The following SLC39A9 variants were observed in gnomAD, a reference collection of about 807,000 sequenced individuals.
The protein encoded by SLC39A9 is solute carrier family 39 member 9.
In SLC39A9, 14 loss-of-function variants were observed where a neutral mutation model predicts 28.4. The ratio of observed to expected loss-of-function variants is 0.49; its 90% CI spans 0.33 to 0.77. The LOEUF is 0.77. SLC39A9 is among the 30% of genes least tolerant of loss of function. The pLI, the probability that SLC39A9 is intolerant of heterozygous loss-of-function variation, is 0.02. For synonymous variants in SLC39A9, 119 were observed against 149.6 expected (o/e 0.80, Z 1.49); for missense variants, 283 against 381.1 (o/e 0.74, Z 2.14).
chr14:69,424,121 G>A lies in SLC39A9; in HGVS notation c.124G>A (p.Gly42Ser). The change falls in exon 2 of 7, where the codon GGT becomes AGT. Residue 42 changes from glycine to serine, a missense_variant. Gly to Ser is a moderately conservative substitution (Grantham distance 56). Coordinates refer to ENST00000336643, the MANE Select transcript of SLC39A9 (RefSeq NM_018375.5). ...EERLKLVTVL[G>S]AGLLCGTALA... is the part of the protein sequence containing the mutation. ...ACGACTGAAGCTGGTGACTGTTTTG[G>A]GTGCTGGCCTTCTCTGTGGAACTGC... The A allele has an allele frequency of 6.2e-7, 1 of 1,613,798 alleles. No homozygotes were observed. The highest frequency in any genetic ancestry group is 8.5e-7 in the Non-Finnish European group (1 of 1,179,820).
intron 1 of SLC39A9, among the ~76,000 whole-genome samples, chr14:69,421,982 C>T (rs1237693760): frequency 6.6e-6 from 1 of 152,188 alleles, no homozygotes; most frequent in African/African-American, 2.4e-5. Flanking sequence ...TCACCCCGCC[C>T]TGCTTCAGCT....
chr14:69,444,384 A>G (rs1350587844), intron 3 of SLC39A9, among the ~76,000 whole-genome samples: 2 of 152,224 alleles, frequency 1.3e-5, no homozygotes, highest in African/African-American at 4.8e-5. Flanking sequence ...GATAATCGCA[A>G]TAAGATATTA....
chr14:69,455,408 C>A (rs1488689874), intron 5 of SLC39A9, among the ~76,000 whole-genome samples: 1 of 151,350 alleles, frequency 6.6e-6, no homozygotes, highest in African/African-American at 2.4e-5. Context: ...CTCACTGCAA[C>A]CTCCGCCTCC....
At chr14:69,411,266 C>CA (rs1883249256) in intron 1 of SLC39A9, among the ~76,000 whole-genome samples, 1 of 150,410 alleles carries the variant, frequency 6.6e-6, no homozygotes, top group Admixed American at 6.6e-5. Flanking sequence ...TTAGGTGAAC[C>CA]AATTTGTTGA....
rs1882475932 is a variant in SLC39A9 at position 69,399,106 on chromosome 14, C to T, written c.-264C>T. On this transcript the variant is annotated 5_prime_UTR_variant, in exon 1 of 7. Transcript: ENST00000336643. ...CCCATCTCTGTTAACCCACGAGAAT[C>T]TAATGACTGGCATCTGAGAACCCAG... 1 of 443,270 alleles carries T rather than the reference C, an allele frequency of 2.3e-6. No individual in the cohort carries two copies. Among genetic ancestry groups the T allele is most frequent in the Admixed American group, 4.5e-5 (1 of 22,078 alleles). The allele number at this position is 443,270 out of a possible 1,614,324, so 27.5% of individuals were successfully genotyped here.
Position 69,461,741 on chromosome 14 carries a change from C to G in SLC39A9, c.*3148C>G. ...CACCAGCATCGGAGTGTATTAAGCC[C>G]CTGAAACACATGGTAGCTAGGGACT... On this transcript the variant is annotated 3_prime_UTR_variant, in exon 7 of 7. Coordinates refer to ENST00000336643, the MANE Select transcript of SLC39A9 (RefSeq NM_018375.5). 1.3e-6 allele frequency: 2 copies of G among 1,535,020 alleles called. No individual in the cohort carries two copies. Among genetic ancestry groups the G allele is most frequent in the Non-Finnish European group, 8.7e-7 (1 of 1,146,362 alleles).
chr14:69,451,280 C>G (rs1393074248), intron 3 of SLC39A9, among the ~76,000 whole-genome samples: 1 of 152,006 alleles, frequency 6.6e-6, no homozygotes. Context: ...CATTGTAAAC[C>G]CCTTCCTTTT....
At chr14:69,404,122 A>G (rs1006825057) in intron 1 of SLC39A9, among the ~76,000 whole-genome samples, 3 of 152,208 alleles carry the variant, frequency 2.0e-5, no homozygotes, top group African/African-American at 7.2e-5. Flanking sequence ...GCTACTCCAA[A>G]TGCTGATGTG....
chr14:69,405,744 C>T (rs1047828348), intron 1 of SLC39A9, among the ~76,000 whole-genome samples: 10 of 152,024 alleles, frequency 6.6e-5, no homozygotes, highest in Admixed American at 3.9e-4. Flanking sequence ...AAATAAAATC[C>T]GGTTGCAATA....
intron 1 of SLC39A9, among the ~76,000 whole-genome samples, chr14:69,406,217 C>G (rs1882904930): frequency 6.6e-6 from 1 of 152,210 alleles, no homozygotes; most frequent in Non-Finnish European, 1.5e-5. Context: ...CAGAGGTAAA[C>G]AGTCTCCAAA....
chr14:69,441,957 A>G, intron 2 of SLC39A9, 112 bp from the exon 3 acceptor site: 2 of 1,449,502 alleles, frequency 1.4e-6, no homozygotes, highest in South Asian at 1.5e-5. Flanking sequence ...TAAAAAGTGG[A>G]TGTCTTTACA....
At chr14:69,422,896 T>C (rs1883976309) in intron 1 of SLC39A9, among the ~76,000 whole-genome samples, 1 of 152,214 alleles carries the variant, frequency 6.6e-6, no homozygotes, top group Non-Finnish European at 1.5e-5. Flanking sequence ...TATTAGGGTA[T>C]ACTGCTGCTT....
chr14:69,421,171 G>A (rs1883870613), intron 1 of SLC39A9, among the ~76,000 whole-genome samples: 1 of 152,214 alleles, frequency 6.6e-6, no homozygotes, highest in African/African-American at 2.4e-5. Context: ...CCTACAGATG[G>A]GGTTTTGGTG....
Position 69,460,498 on chromosome 14 carries a change from C to T in SLC39A9, c.*1905C>T, listed in dbSNP as rs1310972222. On this transcript the variant is annotated 3_prime_UTR_variant, in exon 7 of 7. Coordinates refer to ENST00000336643, the MANE Select transcript of SLC39A9 (RefSeq NM_018375.5). Reference sequence around the variant, plus strand: ...CTAGTCCTTCAAAACTATATGGTTGCCTAGATTCTCTCTGGAAACTGACTT... The same window carrying T: ...CTAGTCCTTCAAAACTATATGGTTGTCTAGATTCTCTCTGGAAACTGACTT... 2 of 985,402 alleles carry T rather than the reference C, an allele frequency of 2.0e-6. No individual in the cohort carries two copies. Among genetic ancestry groups the T allele is most frequent in the Non-Finnish European group, 2.4e-6 (2 of 829,926 alleles). 61.0% of individuals were successfully genotyped at this position (985,402 alleles called of 1,614,324 possible).
intron 1 of SLC39A9, among the ~76,000 whole-genome samples, chr14:69,407,042 A>G (rs555456879): frequency 1.3e-5 from 2 of 151,460 alleles, no homozygotes; most frequent in East Asian, 4.0e-4. Flanking sequence ...AGTAGAGACA[A>G]GGTTTCACCA....
Position 69,458,525 on chromosome 14 carries a change from C to T in SLC39A9, c.856C>T (p.Leu286=). The change falls in exon 7 of 7, where the codon CTG becomes TTG. Residue 286 remains leucine (L), a synonymous_variant. Coordinates refer to ENST00000336643, the MANE Select transcript of SLC39A9 (RefSeq NM_018375.5). ...CACGGGAGGGAGAGGCCTCAGCCGCCTGGAAGTGGCAGCCCTGGTTCTGGG... is the reference window on the plus strand; with the variant it reads ...CACGGGAGGGAGAGGCCTCAGCCGCTTGGAAGTGGCAGCCCTGGTTCTGGG... The part of the protein sequence containing the change: ...DATGGRGLSR[L]EVAALVLGCL... The T allele has an allele frequency of 6.2e-7, 1 of 1,614,224 alleles. No individual in the cohort carries two copies. The highest frequency in any genetic ancestry group is 8.5e-7 in the Non-Finnish European group (1 of 1,180,034).
At position 69,458,821 on chromosome 14, in the gene SLC39A9, T is replaced by C. The variant is rs140550640; in HGVS notation, c.*228T>C. ...ATAGACATCCCATTGTGTTATCTTTTAAAAGGCCCTTGACATTTTGCGTTT... is the reference window on the plus strand; with the variant it reads ...ATAGACATCCCATTGTGTTATCTTTCAAAAGGCCCTTGACATTTTGCGTTT... On this transcript the variant is annotated 3_prime_UTR_variant, in exon 7 of 7. Transcript: ENST00000336643. The C allele has an allele frequency of 8.0e-4, 1,030 of 1,280,892 alleles. 21 individuals carry two copies. The Admixed American group carries it at 0.031, about 39-fold the overall frequency. The allele number at this position is 1,280,892 out of a possible 1,614,324, so 79.3% of individuals were successfully genotyped here.
At chr14:69,446,941 TATATATAGAG>T (rs1375438988) in intron 3 of SLC39A9, among the ~76,000 whole-genome samples, 4 of 132,954 alleles carry the variant, frequency 3.0e-5, no homozygotes, top group African/African-American at 1.1e-4. Context: ...TATATATATA[TATATATAGAG>T]AGAGAGAGAG....
intron 1 of SLC39A9, among the ~76,000 whole-genome samples, chr14:69,408,467 G>A (rs796963482): frequency 6.6e-6 from 1 of 152,302 alleles, no homozygotes; most frequent in South Asian, 2.1e-4. Context: ...AAATAAGACA[G>A]CCCCAGTGTC....
Sources: gnomAD v4.1 joint callset for allele counts (sites outside exome capture counted in the v4.1 genomes callset) on GRCh38, gnomAD v4.1.1 for gene constraint, MANE v1.5 for transcripts, NCBI Gene and HGNC (gene_info 2026-07-23, HGNC 2026-07-21) for gene names.